Variants in CEP83 observed in about 807,000 individuals in gnomAD.
CEP83 encodes centrosomal protein of 83 kDa.
In CEP83, 70 loss-of-function variants were observed where a neutral mutation model predicts 101.9. That is an observed-to-expected ratio of 0.69 (90% CI 0.57 to 0.84). CEP83 has a LOEUF of 0.84. Among genes scored for constraint, CEP83 ranks in the 40% least tolerant of loss-of-function variants. The pLI is 0.00. For missense variants in CEP83, 715 were observed against 787.2 expected, an observed-to-expected ratio of 0.91 and a Z score of 1.10; for synonymous variants, 264 against 267.9, an observed-to-expected ratio of 0.99 and a Z score of 0.14.
chr12:94,452,315 A>G (rs994276650), intron 1 of CEP83, among the ~76,000 whole-genome samples: 2 of 152,178 alleles, frequency 1.3e-5, no homozygotes, highest in Admixed American at 1.3e-4. Flanking sequence ...TACACTTACA[A>G]TGAGTGGTTT....
At chr12:94,443,419 G>C (rs1176586669) in intron 1 of CEP83, among the ~76,000 whole-genome samples, 1 of 151,984 alleles carries the variant, frequency 6.6e-6, no homozygotes, top group Non-Finnish European at 1.5e-5. Context: ...AAAGTGAACA[G>C]AAAGAGTAGC....
intron 6 of CEP83, among the ~76,000 whole-genome samples, chr12:94,391,740 C>A (rs1052953170): frequency 6.6e-6 from 1 of 151,708 alleles, no homozygotes; most frequent in Non-Finnish European, 1.5e-5. Flanking sequence ...ACCCATCTCA[C>A]GTGCAAAGAC....
chr12:94,285,246 G>A, the CEP83 span, among the ~76,000 whole-genome samples: 3 of 152,176 alleles, frequency 2.0e-5, no homozygotes, highest in Non-Finnish European at 4.4e-5. Context: ...CAGGGTGACA[G>A]GTCTGCACCA....
intron 6 of CEP83, among the ~76,000 whole-genome samples, 159 bp from the exon 7 acceptor site, chr12:94,379,201 G>A (rs563812657): frequency 6.6e-6 from 1 of 152,092 alleles, no homozygotes; most frequent in African/African-American, 2.4e-5. Flanking sequence ...CTATCTTTTT[G>A]TTCTTAGTGG....
chr12:94,289,116 T>C, the CEP83 span, among the ~76,000 whole-genome samples: 2 of 152,242 alleles, frequency 1.3e-5, no homozygotes, highest in Non-Finnish European at 1.5e-5. Flanking sequence ...TCTCTTTTCA[T>C]GGAATTCTAA....
chr12:94,369,873 T>TTA (rs755776795), intron 9 of CEP83, 49 bp downstream of exon 9: 2 of 925,960 alleles, frequency 2.2e-6, no homozygotes, highest in Non-Finnish European at 3.4e-6. Flanking sequence ...TTTGAGTTCA[T>TTA]ATCTGAAAAT....
chr12:94,322,602 A>G (rs928255099), intron 14 of CEP83, among the ~76,000 whole-genome samples: 5 of 152,210 alleles, frequency 3.3e-5, no homozygotes, highest in African/African-American at 1.2e-4. Flanking sequence ...GCTGCTGGCC[A>G]GAAAACACTG....
intron 6 of CEP83, 114 bp from the exon 7 acceptor site, chr12:94,379,156 G>A: frequency 1.1e-6 from 1 of 912,296 alleles, no homozygotes; most frequent in Non-Finnish European, 1.6e-6. Flanking sequence ...CTCAGGTGCT[G>A]AAACAAAGTA....
At position 94,333,637 on chromosome 12, in the gene CEP83, T is replaced by A. The variant is rs771691930; in HGVS notation, c.1422A>T (p.Gln474His). Reference sequence around the variant, plus strand: ...TCACTTGGATCTGCAAACTACTGATTTGCTTAAAAGAGAAGAAAGAAGATA... The same window carrying A: ...TCACTTGGATCTGCAAACTACTGATATGCTTAAAAGAGAAGAAAGAAGATA... ...EKNENSDLKQ[Q>H]ISSLQIQVTS... Residue 474 changes from glutamine to histidine, a missense_variant and splice_region_variant, in exon 13 of 17, where the codon CAA becomes CAT. Coordinates refer to ENST00000397809, the MANE Select transcript of CEP83 (RefSeq NM_016122.3). 18 of 1,611,426 alleles carry A rather than the reference T, an allele frequency of 1.1e-5. No individual in the cohort carries two copies. Among genetic ancestry groups the A allele is most frequent in the Non-Finnish European group, 1.4e-5 (16 of 1,179,150 alleles).
At chr12:94,300,786 T>G in the CEP83 span, 1 of 707,320 alleles carries the variant, frequency 1.4e-6, no homozygotes, top group Non-Finnish European at 2.2e-6. Flanking sequence ...TTGGTATGTT[T>G]GGCTAAGCAG....
the CEP83 span, among the ~76,000 whole-genome samples, chr12:94,283,707 G>A: frequency 6.6e-6 from 1 of 152,172 alleles, no homozygotes; most frequent in Non-Finnish European, 1.5e-5. Context: ...CTGTCTTCTT[G>A]CACTGAGTCA....
At chr12:94,393,140 T>A (rs2062664234) in intron 6 of CEP83, among the ~76,000 whole-genome samples, 1 of 152,170 alleles carries the variant, frequency 6.6e-6, no homozygotes, top group Admixed American at 6.5e-5. Flanking sequence ...GCCAGCATCA[T>A]CCTGATACCA....
intron 14 of CEP83, among the ~76,000 whole-genome samples, chr12:94,321,273 TTTA>T (rs2058733675): frequency 6.6e-6 from 1 of 152,314 alleles, no homozygotes; most frequent in South Asian, 2.1e-4. Flanking sequence ...CCTGTATCGT[TTTA>T]TTGTGATTCT....
rs1183370522 is a variant in CEP83, at chr12:94,436,184, C to T, written c.-154-857G>A. ...ATGGCAAAACGAAGTTTGATAACAC[C>T]CCCAAAAGATCACACTAGCTCTCCA... On this transcript the variant is annotated intron_variant, in intron 1 of 16. Transcript: ENST00000397809. Among the ~76,000 whole-genome samples, 26 of 151,916 alleles carry T rather than the reference C, an allele frequency of 1.7e-4. 1 individual carries two copies. The highest frequency in any genetic ancestry group is 1.7e-3 in the Admixed American group (26 of 15,262).
Position 94,308,844 on chromosome 12 carries a change from T to C in CEP83, c.2075A>G (p.Gln692Arg). The change falls in exon 17 of 17, where the codon CAA becomes CGA. Residue 692 changes from glutamine (Q) to arginine (R), a missense_variant. Gln to Arg is a conservative substitution (Grantham distance 43). Coordinates refer to ENST00000397809, the MANE Select transcript of CEP83 (RefSeq NM_016122.3). ...LEELETTQRKQLEELGSSGE is the reference protein window; with the variant it reads ...LEELETTQRKRLEELGSSGE ...TCCGGAAGATCCAAGTTCCTCTAGT[T>C]GTTTTCTTTGTGTTGTTTCCAGTTC... 2 of 1,612,616 alleles carry C rather than the reference T, an allele frequency of 1.2e-6. No homozygotes were observed. The highest frequency in any genetic ancestry group is 1.7e-5 in the Admixed American group (1 of 59,996).
chr12:94,408,875 T>C (rs1435176113), intron 4 of CEP83, among the ~76,000 whole-genome samples: 2 of 152,154 alleles, frequency 1.3e-5, no homozygotes, highest in Admixed American at 6.6e-5. Context: ...ATGCTCAGCC[T>C]GAACTAACAC....
chr12:94,268,697 C>T, the CEP83 span, among the ~76,000 whole-genome samples: 519 of 146,110 alleles, frequency 3.6e-3, 2 homozygotes, highest in Non-Finnish European at 5.0e-3. Flanking sequence ...GGGGTTCAAG[C>T]GATTCTCCTG....
intron 11 of CEP83, among the ~76,000 whole-genome samples, chr12:94,343,470 C>CTTTTTTTTTTTTTTTTTTTTTTTT (rs1161481202): frequency 1.2e-5 from 1 of 84,168 alleles, no homozygotes; most frequent in Non-Finnish European, 2.2e-5. Context: ...TAGAAATTAA[C>CTTTTTTTTTTTTTTTTTTTTTTTT]TTTTTTTTTT....
intron 1 of CEP83, among the ~76,000 whole-genome samples, chr12:94,439,011 C>T (rs1487066318): frequency 2.0e-5 from 3 of 152,118 alleles, no homozygotes; most frequent in African/African-American, 4.8e-5. Flanking sequence ...CTCTGCAATA[C>T]AGCAAAAACA....
Sources: gnomAD v4.1 joint callset for allele counts (sites outside exome capture counted in the v4.1 genomes callset) on GRCh38, gnomAD v4.1.1 for gene constraint, MANE v1.5 for transcripts, NCBI Gene and HGNC (gene_info 2026-07-23, HGNC 2026-07-21) for gene names.